EPHA5: variants seen among roughly 807,000 people sequenced by gnomAD.
The protein encoded by EPHA5 is ephrin type-A receptor 5.
Under a neutral mutation model 105.0 loss-of-function variants are expected in EPHA5, and 60 were observed. The ratio of observed to expected loss-of-function variants is 0.57; its 90% CI spans 0.46 to 0.71. The LOEUF (loss-of-function observed/expected upper bound fraction) is 0.71, where lower values mean the gene tolerates loss of function less well. EPHA5 is among the 30% of genes least tolerant of loss of function. EPHA5 has a pLI of 0.00. For synonymous variants in EPHA5, 513 were observed against 449.1 expected (o/e 1.14, Z -1.80); for missense variants, 1,218 against 1,274.7 (o/e 0.96, Z 0.68).
intron 1 of EPHA5, among the ~76,000 whole-genome samples, chr4:65,660,891 A>T (rs964372977): frequency 5.3e-5 from 8 of 152,112 alleles, no homozygotes; most frequent in Admixed American, 4.6e-4. Flanking sequence ...CCGTTTCTTA[A>T]TGGAATTCCC....
In EPHA5 at chr4:65,495,452, G is replaced by C. The variant is rs1731830724; in HGVS notation, c.1002C>G (p.Thr334=). Reference sequence around the variant, plus strand: ...AATAATCCTTTTCACAGACACAAGAGGTTGAAGCTTCCTCATGGGTATAAC... The same window carrying C: ...AATAATCCTTTTCACAGACACAAGACGTTGAAGCTTCCTCATGGGTATAAC... The part of the protein sequence containing the change: ...PHSYTHEEAS[T]SCVCEKDYFR... The change falls in exon 4 of 17, where the codon ACC becomes ACG. Residue 334 remains threonine (T), a synonymous_variant. Coordinates refer to ENST00000613740, the MANE Select transcript of EPHA5 (RefSeq NM_001281766.3). 1.2e-6 allele frequency: 2 copies of C among 1,613,798 alleles called. No homozygotes were observed. Among genetic ancestry groups the C allele is most frequent in the African/African-American group, 2.7e-5 (2 of 74,904 alleles).
intron 3 of EPHA5, among the ~76,000 whole-genome samples, chr4:65,548,822 C>T (rs1159117765): frequency 3.9e-5 from 6 of 152,076 alleles, no homozygotes; most frequent in Admixed American, 3.9e-4. Context: ...CTCAAGGTCT[C>T]TCATTTGAAA....
chr4:65,404,145 T>C (rs1209865871), intron 8 of EPHA5, among the ~76,000 whole-genome samples: 1 of 152,068 alleles, frequency 6.6e-6, no homozygotes, highest in Non-Finnish European at 1.5e-5. Flanking sequence ...CAATAACACA[T>C]CAATACAGCT....
At chr4:65,669,356 C>T in intron 1 of EPHA5, 1 of 972,618 alleles carries the variant, frequency 1.0e-6, no homozygotes, top group Non-Finnish European at 1.2e-6. Context: ...CCTTGCCCAG[C>T]ACTCCGCAGC....
At chr4:65,425,691 G>C (rs1475983817) in intron 5 of EPHA5, among the ~76,000 whole-genome samples, 4 of 152,008 alleles carry the variant, frequency 2.6e-5, no homozygotes, top group Admixed American at 2.6e-4. Context: ...GAGGCTGAAA[G>C]TTGGATCAGT....
At chr4:65,656,131 TAAAA>T (rs34038643) in intron 1 of EPHA5, among the ~76,000 whole-genome samples, 5,802 of 109,620 alleles carry the variant, frequency 0.053, 259 homozygotes, top group African/African-American at 0.13. Flanking sequence ...TGCTGCTGCT[TAAAA>T]AAAAAAAAAA....
chr4:65,366,451 T>G (rs1051413007), intron 9 of EPHA5, among the ~76,000 whole-genome samples: 1 of 151,812 alleles, frequency 6.6e-6, no homozygotes, highest in Non-Finnish European at 1.5e-5. Context: ...AATTTTAATT[T>G]TATGCAAAAT....
At chr4:65,333,425 C>T (rs896468990) in intron 15 of EPHA5, among the ~76,000 whole-genome samples, 1 of 151,428 alleles carries the variant, frequency 6.6e-6, no homozygotes, top group Non-Finnish European at 1.5e-5. Flanking sequence ...TGACTGACCT[C>T]TTGGAAACAT....
intron 5 of EPHA5, among the ~76,000 whole-genome samples, chr4:65,435,806 C>T (rs1011792554): frequency 1.4e-5 from 2 of 140,182 alleles, no homozygotes; most frequent in Non-Finnish European, 3.3e-5. Context: ...ATTCTGCAAG[C>T]ATAGAAATGA....
chr4:65,522,086 A>T (rs894871072), intron 3 of EPHA5, among the ~76,000 whole-genome samples: 1 of 151,960 alleles, frequency 6.6e-6, no homozygotes, highest in Non-Finnish European at 1.5e-5. Context: ...CAGAAAAAAA[A>T]CTAAGATCTC....
intron 3 of EPHA5, among the ~76,000 whole-genome samples, chr4:65,527,531 G>T (rs559462905): frequency 1.2e-4 from 19 of 152,126 alleles, no homozygotes; most frequent in South Asian, 8.3e-4. Context: ...CTTTTAAAAT[G>T]CAAGAAGAAT....
chr4:65,403,997 A>G (rs1722107557), intron 8 of EPHA5, among the ~76,000 whole-genome samples: 1 of 152,152 alleles, frequency 6.6e-6, no homozygotes, highest in Non-Finnish European at 1.5e-5. Flanking sequence ...TCAAAAATAT[A>G]CTTGGTACAG....
chr4:65,588,766 G>C (rs1033841245), intron 3 of EPHA5, among the ~76,000 whole-genome samples: 2 of 152,122 alleles, frequency 1.3e-5, no homozygotes, highest in African/African-American at 2.4e-5. Flanking sequence ...CTCTTAGAAA[G>C]CTTCTGAGTC....
chr4:65,343,061 T>C (rs1299919783), intron 14 of EPHA5, among the ~76,000 whole-genome samples: 1 of 152,150 alleles, frequency 6.6e-6, no homozygotes, highest in East Asian at 1.9e-4. Flanking sequence ...TATTGTGCAA[T>C]CTATGTACTT....
In EPHA5 at chr4:65,561,633, C is replaced by G. The variant is rs978240139; in HGVS notation, c.910+40008G>C. On this transcript the variant is annotated intron_variant, in intron 3 of 16. Coordinates refer to ENST00000613740, the MANE Select transcript of EPHA5 (RefSeq NM_001281766.3). ...AAGTGAGAGTAACAGGAACATTAAG[C>G]CCCAGAAATTAAGACACATTGTATT... Among the ~76,000 whole-genome samples, 3 of 152,022 alleles carry G rather than the reference C, an allele frequency of 2.0e-5. No homozygotes were observed. The South Asian group carries it at 6.2e-4, about 31-fold the overall frequency.
intron 3 of EPHA5, among the ~76,000 whole-genome samples, chr4:65,566,155 C>G (rs2149365672): frequency 6.6e-6 from 1 of 151,834 alleles, no homozygotes; most frequent in African/African-American, 2.4e-5. Flanking sequence ...TTTCTCATGA[C>G]TGTGTAACGT....
intron 3 of EPHA5, among the ~76,000 whole-genome samples, chr4:65,537,944 A>G (rs1736448502): frequency 6.6e-6 from 1 of 151,690 alleles, no homozygotes; most frequent in South Asian, 2.1e-4. Flanking sequence ...AATCATAACT[A>G]TGAACACACA....
intron 13 of EPHA5, among the ~76,000 whole-genome samples, chr4:65,349,926 CA>C (rs1264303160): frequency 6.6e-6 from 1 of 152,088 alleles, no homozygotes; most frequent in Non-Finnish European, 1.5e-5. Flanking sequence ...CAATAAATCT[CA>C]AGTTCCTTAT....
intron 5 of EPHA5, among the ~76,000 whole-genome samples, chr4:65,443,722 C>T (rs1726230948): frequency 6.6e-6 from 1 of 152,096 alleles, no homozygotes; most frequent in African/African-American, 2.4e-5. Context: ...ATTTCCCCTC[C>T]GCACTCCATC....
Sources: allele counts gnomAD v4.1 joint callset (sites outside exome capture counted in the v4.1 genomes callset), GRCh38; gene constraint gnomAD v4.1.1; transcripts MANE v1.5; gene names NCBI Gene and HGNC (gene_info 2026-07-23, HGNC 2026-07-21).